Variants in GCM2 observed in about 807,000 individuals in gnomAD.
The protein encoded by GCM2 is GCM transcription factor 2.
In GCM2, 21 loss-of-function variants were observed where a neutral mutation model predicts 24.8. That is an observed-to-expected ratio of 0.85 (90% confidence interval 0.60 to 1.22). The LOEUF (loss-of-function observed/expected upper bound fraction) is 1.22, where lower values mean the gene tolerates loss of function less well. Among genes scored for constraint, GCM2 ranks in the 50% most tolerant of loss-of-function variants. GCM2 has a pLI of 0.00. For missense variants in GCM2, 532 were observed against 645.6 expected, an observed-to-expected ratio of 0.82 and a Z score of 1.91; for synonymous variants, 222 against 238.0, an observed-to-expected ratio of 0.93 and a Z score of 0.62.
rs1476232807 is a variant in GCM2 at position 10,874,358 on chromosome 6, G to A, written c.1158C>T (p.Thr386=). The A allele has an allele frequency of 6.2e-7, 1 of 1,613,498 alleles. No individual in the cohort carries two copies. The highest frequency in any genetic ancestry group is 8.5e-7 in the Non-Finnish European group (1 of 1,179,540). The change falls in exon 5 of 5, where the codon ACC becomes ACT. Residue 386 remains threonine, a synonymous_variant. Transcript: ENST00000379491. ...GGTAGGCCTGGTAGGACACTTTAGT[G>A]GTGGTGGTGATCACGGTTTGTAGGG... The part of the protein sequence containing the change: ...APALQTVITT[T]TKVSYQAYQP...
At chr6:10,876,093 C>A (rs1057411516) in intron 3 of GCM2, 77 bp from the exon 4 acceptor site, 4 of 1,413,336 alleles carry the variant, frequency 2.8e-6, no homozygotes, top group African/African-American at 1.4e-5. Context: ...ATTGATCATG[C>A]CTTTCCCAAC....
intron 1 of GCM2, among the ~76,000 whole-genome samples, chr6:10,879,159 TGTAAG>T (rs1779923147): frequency 1.3e-5 from 2 of 152,362 alleles, no homozygotes; most frequent in African/African-American, 4.8e-5. Flanking sequence ...GATACATCAA[TGTAAG>T]GTAAGTCACA....
At chr6:10,880,015 CG>C (rs1779936553) in intron 1 of GCM2, among the ~76,000 whole-genome samples, 1 of 151,996 alleles carries the variant, frequency 6.6e-6, no homozygotes, top group African/African-American at 2.4e-5. Context: ...CAGCACTTTG[CG>C]AGGCTAAGGC....
At position 10,881,585 on chromosome 6, in the gene GCM2, TGTGTGTGTGTG is replaced by T. The variant is rs1561673735; in HGVS notation, c.90+108_90+118del. ...GTGTGTGTGTGTGTGTGTGTGTGTG[TGTGTGTGTGTG>T]TGTGTGTGTGTATGGTCCGTCCGCA... On this transcript the variant is annotated intron_variant, in intron 1 of 4. Transcript: ENST00000379491. 112 of 688,612 alleles carry T rather than the reference TGTGTGTGTGTG, an allele frequency of 1.6e-4. 1 individual carries two copies. Among genetic ancestry groups the T allele is most frequent in the South Asian group, 5.8e-4 (36 of 62,346 alleles). 42.7% of individuals were successfully genotyped at this position (688,612 alleles called of 1,614,324 possible).
At chr6:10,879,703 C>T (rs1437094829) in intron 1 of GCM2, among the ~76,000 whole-genome samples, 1 of 152,104 alleles carries the variant, frequency 6.6e-6, no homozygotes, top group Admixed American at 6.6e-5. Context: ...GTGCCTGGCC[C>T]GTTTGAGATA....
rs1380007178 is a variant in GCM2 at position 10,875,760 on chromosome 6, A to G, written c.582+131T>C. On this transcript the variant is annotated intron_variant, in intron 4 of 4. Coordinates refer to ENST00000379491, the MANE Select transcript of GCM2 (RefSeq NM_004752.4). ...AATGTTGATTTAATGATATTTTGTT[A>G]CAGACGTATAATTTTCAGATGAAAT... 6.3e-5 allele frequency: 57 copies of G among 901,454 alleles called. No individual in the cohort carries two copies. In the East Asian group the frequency reaches 1.4e-3, roughly 22 times the overall value. 55.8% of individuals were successfully genotyped at this position (901,454 alleles called of 1,614,324 possible). A position where few individuals can be genotyped will look rare whatever the true frequency, so the allele number is the denominator to read the frequency against.
intron 2 of GCM2, among the ~76,000 whole-genome samples, 179 bp from the exon 3 acceptor site, chr6:10,876,736 C>A (rs1581805900): frequency 6.6e-6 from 1 of 152,212 alleles, no homozygotes; most frequent in South Asian, 2.1e-4. Context: ...TCAAGACCAG[C>A]CTGACCAACA....
chr6:10,877,521 A>G, intron 1 of GCM2, 129 bp from the exon 2 acceptor site: 1 of 917,242 alleles, frequency 1.1e-6, no homozygotes, highest in East Asian at 2.6e-5. Flanking sequence ...TCAAATTCCA[A>G]AATGCCACTC....
At chr6:10,874,963 G>A (rs779083007) in intron 4 of GCM2, 30 bp from the exon 5 acceptor site, 16 of 1,465,814 alleles carry the variant, frequency 1.1e-5, no homozygotes, top group Middle Eastern at 1.7e-4. Context: ...ATAGACACAC[G>A]CTATGTAAAT....
In GCM2 at chr6:10,873,904, A is replaced by G. The variant is rs1779837722; in HGVS notation, c.*91T>C. On this transcript the variant is annotated 3_prime_UTR_variant, in exon 5 of 5. Transcript: ENST00000379491. ...CTGTGTTTCTTTGCACACAAGGTGA[A>G]TCTCCCAACTCAATAAGAGATCATT... The G allele has an allele frequency of 1.0e-6, 1 of 965,972 alleles. No homozygotes were observed. Among genetic ancestry groups the G allele is most frequent in the South Asian group, 1.3e-5 (1 of 75,058 alleles). The allele number at this position is 965,972 out of a possible 1,614,324, so 59.8% of individuals were successfully genotyped here. A position where few individuals can be genotyped will look rare whatever the true frequency, so the allele number is the denominator to read the frequency against.
chr6:10,881,483 T>C (rs1779956252), intron 1 of GCM2, among the ~76,000 whole-genome samples: 2 of 151,782 alleles, frequency 1.3e-5, no homozygotes, highest in African/African-American at 4.8e-5. Context: ...TAAACCCAAC[T>C]CAGCCTTTTG....
At chr6:10,880,433 C>T (rs767531436) in intron 1 of GCM2, among the ~76,000 whole-genome samples, 6 of 152,126 alleles carry the variant, frequency 3.9e-5, no homozygotes, top group South Asian at 2.1e-4. Context: ...ATTTTAGTTG[C>T]GGACAAAATG....
chr6:10,873,950 C>T lies in GCM2; in HGVS notation c.*45G>A, dbSNP rs770348814. 10 of 1,426,274 alleles carry T rather than the reference C, an allele frequency of 7.0e-6. No homozygotes were observed. In the African/African-American group the frequency reaches 9.8e-5, roughly 14 times the overall value. 88.4% of individuals were successfully genotyped at this position (1,426,274 alleles called of 1,614,324 possible). On this transcript the variant is annotated 3_prime_UTR_variant, in exon 5 of 5. Coordinates refer to ENST00000379491, the MANE Select transcript of GCM2 (RefSeq NM_004752.4). ...TCATTGCCATTTCACATTTCCCTGC[C>T]TCCTGCCTGCATGCACACTGCTATT...
At chr6:10,881,067 A>G (rs1779950972) in intron 1 of GCM2, among the ~76,000 whole-genome samples, 1 of 152,224 alleles carries the variant, frequency 6.6e-6, no homozygotes, top group Admixed American at 6.5e-5. Flanking sequence ...AAGACTGGGA[A>G]TGTGGAGCCT....
rs146910834 is a variant in GCM2 at position 10,874,527 on chromosome 6, T to C, written c.989A>G (p.Gln330Arg). The C allele has an allele frequency of 6.2e-7, 1 of 1,614,260 alleles. No individual in the cohort carries two copies. The highest frequency in any genetic ancestry group is 2.2e-5 in the East Asian group (1 of 44,892). ...TCCAAGAGCTGGTTTCCAGCCATGC[T>C]GTTTGTTGGTGAAATCAAAGCTTCT... ...YERSFDFTNK[Q>R]HGWKPALGKP... Residue 330 changes from glutamine to arginine, a missense_variant, in exon 5 of 5, where the codon CAG (glutamine) becomes CGG (arginine). Gln to Arg is a conservative substitution (Grantham distance 43). This residue lies in a region of GCM2 where 434 missense variants were observed against 521.9 expected (regional missense o/e 0.83). Transcript: ENST00000379491.
In GCM2 at chr6:10,874,440, T is replaced by C. The variant is rs562904290; in HGVS notation, c.1076A>G (p.Tyr359Cys). The change falls in exon 5 of 5, where the codon TAT (tyrosine) becomes TGT (cysteine). Residue 359 changes from tyrosine (Y) to cysteine (C), a missense_variant. Tyr to Cys is a radical substitution (Grantham distance 194). Transcript: ENST00000379491. The stretch of plus-strand genomic sequence containing the variant: ...CCTGCAGGGAAGCTCTGGGTTATAA[T>C]AAGGGCGAGTGGCCATGGCCTGAAA... The part of the protein sequence containing the change: ...GQFQAMATRP[Y>C]YNPELPCRYL... 2.5e-6 allele frequency: 4 copies of C among 1,614,170 alleles called. No homozygotes were observed. The African/African-American group carries it at 5.3e-5, about 22-fold the overall frequency.
In GCM2 at chr6:10,874,424, A is replaced by G. The variant is rs1231172394; in HGVS notation, c.1092T>C (p.Leu364=). 6.2e-7 allele frequency: 1 copy of G among 1,614,040 alleles called. No homozygotes were observed. The highest frequency in any genetic ancestry group is 2.2e-5 in the East Asian group (1 of 44,904). Residue 364 remains leucine, a synonymous_variant, in exon 5 of 5, where the codon CTT becomes CTC. Coordinates refer to ENST00000379491, the MANE Select transcript of GCM2 (RefSeq NM_004752.4). ...MATRPYYNPE[L]PCRYLTTPPP... The stretch of plus-strand genomic sequence containing the variant: ...GTGGAGTCGTGAGGTACCTGCAGGG[A>G]AGCTCTGGGTTATAATAAGGGCGAG...
chr6:10,878,294 G>GA (rs1415966387), intron 1 of GCM2, among the ~76,000 whole-genome samples: 1 of 152,022 alleles, frequency 6.6e-6, no homozygotes, highest in African/African-American at 2.4e-5. Context: ...AAGTTTCATT[G>GA]AAAAATCACC....
intron 4 of GCM2, 118 bp from the exon 5 acceptor site, chr6:10,875,051 G>T (rs1779857571): frequency 2.5e-6 from 2 of 790,876 alleles, no homozygotes; most frequent in African/African-American, 1.7e-5. Flanking sequence ...TCTGTGTTGT[G>T]AACATGGCAC....
Sources: allele counts gnomAD v4.1 joint callset (sites outside exome capture counted in the v4.1 genomes callset), GRCh38; gene constraint gnomAD v4.1.1; regional missense constraint gnomAD v4.1.1; transcripts MANE v1.5; gene names NCBI Gene and HGNC (gene_info 2026-07-23, HGNC 2026-07-21).